The following LIPK variants were observed in gnomAD, a reference collection of about 807,000 sequenced individuals.
LIPK encodes lipase family member K.
Under a neutral mutation model 48.6 loss-of-function variants are expected in LIPK, and 32 were observed. The ratio of observed to expected loss-of-function variants is 0.66; its 90% CI spans 0.50 to 0.88. The LOEUF is 0.88. Among genes scored for constraint, LIPK ranks in the 40% least tolerant of loss-of-function variants. LIPK has a pLI of 0.00. For missense variants in LIPK, 507 were observed against 478.5 expected, an observed-to-expected ratio of 1.06 and a Z score of -0.56; for synonymous variants, 164 against 157.4, an observed-to-expected ratio of 1.04 and a Z score of -0.32.
At chr10:88,743,344 C>T in intron 9 of LIPK, 23 bp downstream of exon 9, 2 of 1,524,918 alleles carry the variant, frequency 1.3e-6, no homozygotes, top group Non-Finnish European at 1.8e-6. Context: ...TCCTCATAAT[C>T]AGTTCCATGC....
intron 3 of LIPK, chr10:88,727,372 A>G (rs919144867): frequency 2.0e-5 from 4 of 198,588 alleles, no homozygotes; most frequent in Non-Finnish European, 4.0e-5. Flanking sequence ...TTCAACTACT[A>G]CAATGCCTCC....
chr10:88,721,719 C>G (rs1330083802), intron 1 of LIPK, among the ~76,000 whole-genome samples: 1 of 152,208 alleles, frequency 6.6e-6, no homozygotes, highest in African/African-American at 2.4e-5. Flanking sequence ...TGGATCTGCT[C>G]CAACACAAGG....
At chr10:88,747,970 C>T (rs1842798274) in intron 9 of LIPK, among the ~76,000 whole-genome samples, 1 of 152,086 alleles carries the variant, frequency 6.6e-6, no homozygotes, top group South Asian at 2.1e-4. Context: ...ATGTTTACTG[C>T]AGCACTGTTT....
intron 8 of LIPK, among the ~76,000 whole-genome samples, chr10:88,741,575 C>T (rs1410333313): frequency 6.6e-6 from 1 of 152,092 alleles, no homozygotes; most frequent in Non-Finnish European, 1.5e-5. Context: ...AAAACTTTTC[C>T]CCTTTGACAG....
intron 6 of LIPK, among the ~76,000 whole-genome samples, chr10:88,737,182 TTGCA>T (rs1199797087): frequency 2.0e-5 from 3 of 152,324 alleles, no homozygotes; most frequent in Non-Finnish European, 4.4e-5. Context: ...AAATAATACT[TTGCA>T]TGTGCGCTAG....
chr10:88,751,874 A>G (rs967075663), intron 9 of LIPK, among the ~76,000 whole-genome samples: 1 of 152,212 alleles, frequency 6.6e-6, no homozygotes, highest in Non-Finnish European at 1.5e-5. Context: ...TCACGTGCCC[A>G]TCTCTCATAC....
chr10:88,721,530 C>T (rs933713939), intron 1 of LIPK, among the ~76,000 whole-genome samples: 2 of 152,176 alleles, frequency 1.3e-5, no homozygotes, highest in African/African-American at 4.8e-5. Flanking sequence ...AAAACAAAGG[C>T]AGCTGATGGG....
chr10:88,731,578 C>A (rs1157502706), intron 4 of LIPK, among the ~76,000 whole-genome samples: 2 of 152,240 alleles, frequency 1.3e-5, no homozygotes, highest in South Asian at 4.1e-4. Context: ...AGCTAAGAAC[C>A]ATGCCTTGGA....
At chr10:88,734,778 A>G (rs941417965) in intron 6 of LIPK, among the ~76,000 whole-genome samples, 1 of 152,246 alleles carries the variant, frequency 6.6e-6, no homozygotes, top group Non-Finnish European at 1.5e-5. Flanking sequence ...GATTGGAACA[A>G]GAGTTGTGCA....
At chr10:88,716,352 A>ATTTT (rs370607671) in intron 1 of LIPK, among the ~76,000 whole-genome samples, 1 of 85,624 alleles carries the variant, frequency 1.2e-5, no homozygotes, top group Non-Finnish European at 2.2e-5. Flanking sequence ...ATTCAGGAAA[A>ATTTT]TTTCTTTTTT....
At chr10:88,712,845 A>G (rs1017409431) in intron 1 of LIPK, among the ~76,000 whole-genome samples, 1 of 152,196 alleles carries the variant, frequency 6.6e-6, no homozygotes, top group Non-Finnish European at 1.5e-5. Flanking sequence ...GTGCATTGCA[A>G]TAGTCCATAA....
chr10:88,727,054 T>G, intron 3 of LIPK, 142 bp downstream of exon 3: 1 of 645,262 alleles, frequency 1.5e-6, no homozygotes, highest in Non-Finnish European at 2.7e-6. Context: ...CCCATCTCTC[T>G]GTTTAATTTG....
At chr10:88,742,609 A>T (rs997699018) in intron 8 of LIPK, among the ~76,000 whole-genome samples, 3 of 152,256 alleles carry the variant, frequency 2.0e-5, no homozygotes, top group African/African-American at 7.2e-5. Flanking sequence ...CAATACCAAA[A>T]TGCAAAAGTA....
At chr10:88,745,577 T>C (rs1278561883) in intron 9 of LIPK, among the ~76,000 whole-genome samples, 2 of 152,120 alleles carry the variant, frequency 1.3e-5, no homozygotes, top group African/African-American at 4.8e-5. Context: ...CAGACAAAAT[T>C]GCTAAGGGAA....
At chr10:88,744,226 C>T (rs1564570549) in intron 9 of LIPK, among the ~76,000 whole-genome samples, 1 of 152,258 alleles carries the variant, frequency 6.6e-6, no homozygotes, top group Non-Finnish European at 1.5e-5. Context: ...CCTGTGGTCA[C>T]TGCCATACCT....
At chr10:88,723,456 A>G (rs2134712999) in intron 1 of LIPK, among the ~76,000 whole-genome samples, 1 of 152,186 alleles carries the variant, frequency 6.6e-6, no homozygotes, top group East Asian at 1.9e-4. Context: ...ATTTTCTAAC[A>G]TAATTTGAAG....
At chr10:88,711,387 G>A (rs1042013333) in intron 1 of LIPK, among the ~76,000 whole-genome samples, 2 of 152,134 alleles carry the variant, frequency 1.3e-5, no homozygotes, top group Admixed American at 6.6e-5. Context: ...TGGCAAGAGC[G>A]CTTAAAATGT....
chr10:88,726,617 C>T (rs150954196), intron 2 of LIPK, among the ~76,000 whole-genome samples, 178 bp from the exon 3 acceptor site: 3 of 152,116 alleles, frequency 2.0e-5, no homozygotes, highest in African/African-American at 7.2e-5. Context: ...TAGCTTGAGC[C>T]GAGGAGGCGA....
At chr10:88,743,002 G>A (rs1380668134) in intron 8 of LIPK, among the ~76,000 whole-genome samples, 4 of 152,114 alleles carry the variant, frequency 2.6e-5, no homozygotes, top group Non-Finnish European at 4.4e-5. Flanking sequence ...TAAAGGCATT[G>A]GATTTAAATG....
Sources: allele counts gnomAD v4.1 joint callset (sites outside exome capture counted in the v4.1 genomes callset), GRCh38; gene constraint gnomAD v4.1.1; transcripts MANE v1.5; gene names NCBI Gene and HGNC (gene_info 2026-07-23, HGNC 2026-07-21).